ENPP6: variants seen among roughly 807,000 people sequenced by gnomAD.
ENPP6 encodes the protein ectonucleotide pyrophosphatase/phosphodiesterase 6, also known as glycerophosphocholine cholinephosphodiesterase ENPP6.
In ENPP6, 32 loss-of-function variants were observed where a neutral mutation model predicts 42.0. That is an observed-to-expected ratio of 0.76 (90% CI 0.58 to 1.02). The LOEUF (loss-of-function observed/expected upper bound fraction) is 1.02. ENPP6 is among the 50% of genes least tolerant of loss of function. ENPP6 has a pLI of 0.00. For synonymous variants in ENPP6, 213 were observed against 216.0 expected, an observed-to-expected ratio of 0.99 and a Z score of 0.12; for missense variants, 552 against 566.8, an observed-to-expected ratio of 0.97 and a Z score of 0.27.
At chr4:184,097,401 C>CGAG (rs775426699) in intron 6 of ENPP6, 33 bp from the exon 7 acceptor site, 2 of 1,611,476 alleles carry the variant, frequency 1.2e-6, no homozygotes, top group South Asian at 2.2e-5. Flanking sequence ...CATGACACTA[C>CGAG]GTCCTGACCG....
Position 184,091,245 on chromosome 4 carries a change from T to C in ENPP6, c.1255A>G (p.Ser419Gly), listed in dbSNP as rs4479748. 0.45 allele frequency: 713,672 copies of C among 1,597,070 alleles called. 163,708 individuals carry two copies. Among genetic ancestry groups the C allele is most frequent in the African/African-American group, 0.68 (50,573 of 74,874 alleles). ...CTGGGCCAGACAGGCGGGGCAGTGC[T>C]GGCGCGGCCCTTCAGCATGCACATC... The part of the protein sequence containing the change: ...RVMCMLKGRA[S>G]TAPPVWPSHC... Residue 419 changes from serine (S) to glycine (G), a missense_variant, in exon 8 of 8, where the codon AGC becomes GGC. Around this residue, in one of 2 missense-constraint regions of ENPP6, gnomAD observed 545 missense variants for 546.3 expected, o/e 1.00. Transcript: ENST00000296741.
At chr4:184,200,767 C>T (rs1259417315) in intron 1 of ENPP6, among the ~76,000 whole-genome samples, 1 of 152,192 alleles carries the variant, frequency 6.6e-6, no homozygotes, top group Admixed American at 6.5e-5. Context: ...TGCTCACCAC[C>T]AAAGGTGACT....
chr4:184,197,277 C>T (rs1380918711), intron 1 of ENPP6, among the ~76,000 whole-genome samples: 1 of 152,236 alleles, frequency 6.6e-6, no homozygotes, highest in Non-Finnish European at 1.5e-5. Flanking sequence ...ATGCACCACA[C>T]ACTCTCTCTC....
intron 6 of ENPP6, among the ~76,000 whole-genome samples, chr4:184,106,935 C>G (rs1274953971): frequency 3.3e-5 from 5 of 152,126 alleles, no homozygotes; most frequent in African/African-American, 1.2e-4. Flanking sequence ...GTGCTTGAGT[C>G]TGCTGCAGAC....
At chr4:184,146,993 G>A (rs775919595) in intron 2 of ENPP6, among the ~76,000 whole-genome samples, 1 of 152,106 alleles carries the variant, frequency 6.6e-6, no homozygotes, top group Non-Finnish European at 1.5e-5. Context: ...GACCTCTGAT[G>A]CGTCATTGAG....
chr4:184,171,718 G>C (rs569486683), intron 1 of ENPP6, among the ~76,000 whole-genome samples: 1 of 152,226 alleles, frequency 6.6e-6, no homozygotes, highest in East Asian at 1.9e-4. Flanking sequence ...AGAATAAATA[G>C]ACATATTGAT....
intron 1 of ENPP6, among the ~76,000 whole-genome samples, chr4:184,176,626 C>G (rs557424675): frequency 2.5e-4 from 38 of 152,254 alleles, no homozygotes; most frequent in Non-Finnish European, 1.3e-4. Context: ...ACGGGGCCAC[C>G]GAGCTACGTT....
chr4:184,145,464 G>A (rs1736901859), intron 2 of ENPP6, among the ~76,000 whole-genome samples: 1 of 152,252 alleles, frequency 6.6e-6, no homozygotes, highest in African/African-American at 2.4e-5. Flanking sequence ...ACAGCTGCAA[G>A]GAGACGTGAT....
intron 6 of ENPP6, among the ~76,000 whole-genome samples, chr4:184,112,062 A>C (rs1055514396): frequency 8.5e-5 from 13 of 152,164 alleles, no homozygotes; most frequent in African/African-American, 3.1e-4. Flanking sequence ...TGAACTGTAA[A>C]CATGACACGA....
Position 184,167,696 on chromosome 4 carries a change from C to T in ENPP6, c.242-13963G>A, listed in dbSNP as rs1241145990. 3.3e-5 allele frequency among the ~76,000 whole-genome samples: 5 copies of T among 152,200 alleles called. No individual in the cohort carries two copies. In the South Asian group the frequency reaches 1.0e-3, roughly 31 times the overall value. ...ATATGTGACGTAGGTATGATGCTGG[C>T]CTGCCCAAGTTCACGGCCTCGGGCC... On this transcript the variant is annotated intron_variant, in intron 1 of 7. Transcript: ENST00000296741.
chr4:184,148,934 G>C (rs1736972375), intron 2 of ENPP6, among the ~76,000 whole-genome samples: 1 of 152,214 alleles, frequency 6.6e-6, no homozygotes, highest in East Asian at 1.9e-4. Flanking sequence ...CATTCTTCTG[G>C]AAAGACGTTT....
At chr4:184,194,556 G>A (rs1021085376) in intron 1 of ENPP6, among the ~76,000 whole-genome samples, 5 of 152,354 alleles carry the variant, frequency 3.3e-5, no homozygotes, top group African/African-American at 1.2e-4. Flanking sequence ...TGACAACAGT[G>A]CATTAAACCA....
Position 184,116,869 on chromosome 4 carries a change from C to A in ENPP6, c.842G>T (p.Gly281Val). The A allele has an allele frequency of 6.2e-7, 1 of 1,613,584 alleles. No individual in the cohort carries two copies. The highest frequency in any genetic ancestry group is 8.5e-7 in the Non-Finnish European group (1 of 1,179,944). Residue 281 changes from glycine to valine, a missense_variant, in exon 5 of 8, where the codon GGG becomes GTG. Around this residue, in one of 2 missense-constraint regions of ENPP6, gnomAD observed 545 missense variants for 546.3 expected, o/e 1.00. Transcript: ENST00000296741. ...GPVVSLWPAPGKHSEIYNKLS... is the reference protein window; with the variant it reads ...GPVVSLWPAPVKHSEIYNKLS... ...GGTCTGTCTTGCCTCAGAGTGTTTC[C>A]CAGGGGCCGGCCAAAGGCTCACAAC...
At chr4:184,101,850 C>G (rs1012315533) in intron 6 of ENPP6, among the ~76,000 whole-genome samples, 12 of 152,200 alleles carry the variant, frequency 7.9e-5, no homozygotes, top group Admixed American at 3.9e-4. Context: ...GCCCCTCAAC[C>G]AGTTAATCAT....
chr4:184,188,050 C>T (rs781607709), intron 1 of ENPP6, among the ~76,000 whole-genome samples: 10 of 152,144 alleles, frequency 6.6e-5, no homozygotes, highest in East Asian at 1.9e-4. Flanking sequence ...GCTAGAGTCA[C>T]GATAGATGAT....
intron 1 of ENPP6, among the ~76,000 whole-genome samples, chr4:184,158,010 A>G (rs1737203736): frequency 6.6e-6 from 1 of 152,120 alleles, no homozygotes; most frequent in African/African-American, 2.4e-5. Flanking sequence ...CAAACAGTCA[A>G]TGTCAATTCC....
intron 2 of ENPP6, among the ~76,000 whole-genome samples, chr4:184,147,481 G>A (rs532346641): frequency 6.6e-6 from 1 of 152,224 alleles, no homozygotes; most frequent in African/African-American, 2.4e-5. Context: ...TTCATTTCAC[G>A]ATCAGAATAA....
At chr4:184,179,363 C>G (rs1306673416) in intron 1 of ENPP6, among the ~76,000 whole-genome samples, 1 of 152,158 alleles carries the variant, frequency 6.6e-6, no homozygotes, top group Non-Finnish European at 1.5e-5. Flanking sequence ...CAGTAGTACC[C>G]AGATTCATAA....
intron 1 of ENPP6, among the ~76,000 whole-genome samples, chr4:184,194,593 C>T (rs904652545): frequency 6.6e-6 from 1 of 152,208 alleles, no homozygotes; most frequent in African/African-American, 2.4e-5. Context: ...AAGCACAGAG[C>T]CCCTGTGGGA....
Sources: allele counts gnomAD v4.1 joint callset (sites outside exome capture counted in the v4.1 genomes callset), GRCh38; gene constraint gnomAD v4.1.1; regional missense constraint gnomAD v4.1.1; transcripts MANE v1.5; gene names NCBI Gene and HGNC (gene_info 2026-07-23, HGNC 2026-07-21).